RSF1: variants seen among roughly 807,000 people sequenced by gnomAD.
RSF1 encodes the protein remodeling and spacing factor 1, also known as HBV pX-associated protein 8.
In RSF1, 13 loss-of-function variants were observed where a neutral mutation model predicts 145.2. That is an observed-to-expected ratio of 0.09 (90% CI 0.06 to 0.14). The LOEUF is 0.14. Among genes scored for constraint, RSF1 ranks in the 10% least tolerant of loss-of-function variants. The pLI is 1.00. For missense variants in RSF1, 1,517 were observed against 1,718.2 expected, an observed-to-expected ratio of 0.88 and a Z score of 2.07; for synonymous variants, 577 against 592.6, an observed-to-expected ratio of 0.97 and a Z score of 0.38.
intron 1 of RSF1, among the ~76,000 whole-genome samples, chr11:77,812,907 C>A (rs1203364623): frequency 7.0e-6 from 1 of 142,808 alleles, no homozygotes; most frequent in Non-Finnish European, 1.5e-5. Context: ...AAAAAAAAAT[C>A]AGTCTGGTGT....
At chr11:77,834,441 G>GTTTTTTTTT in the RSF1 span, among the ~76,000 whole-genome samples, 17 of 105,516 alleles carry the variant, frequency 1.6e-4, no homozygotes, top group East Asian at 2.9e-4. Context: ...AGTTGATTTT[G>GTTTTTTTTT]TTTTTTTTTT....
In RSF1 at chr11:77,778,942, T is replaced by G. The variant is rs186823582; in HGVS notation, c.188-14253A>C. Among the ~76,000 whole-genome samples, 272 of 152,284 alleles carry G rather than the reference T, an allele frequency of 1.8e-3. 1 individual carries two copies. The highest frequency in any genetic ancestry group is 5.9e-3 in the African/African-American group (247 of 41,568). On this transcript the variant is annotated intron_variant, in intron 1 of 15. Transcript: ENST00000308488. ...ATCCACCCTTTTGTTTCAATTTATC[T>G]TTTCATTCATTCATTTTTTGGAGAC... is the stretch of plus-strand genomic sequence containing the variant.
the RSF1 span, among the ~76,000 whole-genome samples, chr11:77,839,421 A>G: frequency 4.0e-3 from 613 of 152,330 alleles, 2 homozygotes; most frequent in African/African-American, 0.014. Flanking sequence ...CAATTCCTCA[A>G]AGACCTAGAA....
In RSF1 at chr11:77,753,466, G is replaced by A. The variant is rs1209392926; in HGVS notation, c.280-6338C>T. ...TAATGAGACACCACTAGGCTAGGAG[G>A]ATAGAGGAGCCTGAACTGGCTAAGG... On this transcript the variant is annotated intron_variant, in intron 2 of 15. Coordinates refer to ENST00000308488, the MANE Select transcript of RSF1 (RefSeq NM_016578.4). 3.3e-5 allele frequency among the ~76,000 whole-genome samples: 5 copies of A among 152,218 alleles called. No homozygotes were observed. In the East Asian group the frequency reaches 7.7e-4, roughly 23 times the overall value.
upstream of RSF1, chr11:77,821,315 A>C: frequency 6.2e-6 from 1 of 160,548 alleles, no homozygotes; most frequent in Non-Finnish European, 1.4e-5. Context: ...TAAACAGAAA[A>C]AGGGAATAGG....
At chr11:77,855,469 G>A in the RSF1 span, 1,322 of 194,998 alleles carry the variant, frequency 6.8e-3, 8 homozygotes, top group Non-Finnish European at 0.011. Context: ...ACAGGTGCCT[G>A]CCACCACACC....
intron 1 of RSF1, among the ~76,000 whole-genome samples, chr11:77,802,116 G>A (rs1318740678): frequency 6.6e-6 from 1 of 152,144 alleles, no homozygotes; most frequent in East Asian, 1.9e-4. Flanking sequence ...TCCAGATCTT[G>A]TTTACCCAGC....
chr11:77,766,427 T>C (rs1358872567), intron 1 of RSF1, among the ~76,000 whole-genome samples: 3 of 152,192 alleles, frequency 2.0e-5, no homozygotes, highest in Admixed American at 1.3e-4. Flanking sequence ...GTGGGTCAAA[T>C]ACTAGTAAGA....
chr11:77,697,398 A>G (rs926414485), intron 7 of RSF1, among the ~76,000 whole-genome samples: 1 of 149,276 alleles, frequency 6.7e-6, no homozygotes, highest in African/African-American at 2.5e-5. Context: ...AGGTATAACA[A>G]GGCTACTTCC....
At chr11:77,863,212 G>T in the RSF1 span, among the ~76,000 whole-genome samples, 1 of 152,136 alleles carries the variant, frequency 6.6e-6, no homozygotes, top group African/African-American at 2.4e-5. Flanking sequence ...ACGAACCCGG[G>T]CACTTAGCCA....
At chr11:77,787,257 C>T (rs1948466210) in intron 1 of RSF1, among the ~76,000 whole-genome samples, 1 of 152,112 alleles carries the variant, frequency 6.6e-6, no homozygotes, top group Non-Finnish European at 1.5e-5. Flanking sequence ...CATCTTTTGG[C>T]TAACACTGGT....
the RSF1 span, among the ~76,000 whole-genome samples, chr11:77,860,975 C>T: frequency 6.6e-6 from 1 of 152,150 alleles, no homozygotes; most frequent in Non-Finnish European, 1.5e-5. Context: ...CATGGTTTTA[C>T]TAGGCCGTGG....
chr11:77,683,853 T>C (rs1333973314), intron 10 of RSF1, 34 bp from the exon 11 acceptor site: 1 of 1,494,016 alleles, frequency 6.7e-7, no homozygotes, highest in East Asian at 2.3e-5. Flanking sequence ...TAGAGGTTAT[T>C]CCTTATGCAG....
the RSF1 span, among the ~76,000 whole-genome samples, chr11:77,852,405 G>C: frequency 2.0e-5 from 3 of 151,840 alleles, no homozygotes; most frequent in African/African-American, 7.3e-5. Flanking sequence ...TTAACTTTCT[G>C]AATCATGTAA....
chr11:77,766,130 T>A (rs1007160845), intron 1 of RSF1, among the ~76,000 whole-genome samples: 2 of 150,468 alleles, frequency 1.3e-5, no homozygotes, highest in African/African-American at 4.9e-5. Flanking sequence ...ATTGGCAAAA[T>A]GCTGGATCAA....
the RSF1 span, among the ~76,000 whole-genome samples, chr11:77,830,659 C>T: frequency 6.6e-6 from 1 of 151,920 alleles, no homozygotes; most frequent in Non-Finnish European, 1.5e-5. Flanking sequence ...CCCATAGGTC[C>T]GTGTGGGTTA....
At chr11:77,746,421 T>C (rs997721397) in intron 3 of RSF1, among the ~76,000 whole-genome samples, 1 of 152,230 alleles carries the variant, frequency 6.6e-6, no homozygotes, top group African/African-American at 2.4e-5. Context: ...TCATAAAATC[T>C]TGAGGTCTTT....
rs186779334 is a variant in RSF1 at position 77,695,212 on chromosome 11, A to G, written c.2716-1601T>C. Among the ~76,000 whole-genome samples, 624 of 152,262 alleles carry G rather than the reference A, an allele frequency of 4.1e-3. 5 individuals carry two copies. The highest frequency in any genetic ancestry group is 0.01 in the South Asian group (49 of 4,830). ...AAAATCTCAATAGTAATAAATCAAT[A>G]AATACCTTGGGGGAGATGCACTGAA... On this transcript the variant is annotated intron_variant, in intron 7 of 15. Coordinates refer to ENST00000308488, the MANE Select transcript of RSF1 (RefSeq NM_016578.4).
In RSF1 at chr11:77,665,550, A is replaced by G. The variant is rs1190224555; in HGVS notation, c.*1367T>C. ...CATGTTAGGTATTTAGTTAGTTACA[A>G]ACCCTTTTTTCTTGAAACAAAGGGC... On this transcript the variant is annotated 3_prime_UTR_variant, in exon 16 of 16. Coordinates refer to ENST00000308488, the MANE Select transcript of RSF1 (RefSeq NM_016578.4). 1 of 152,234 alleles carries G rather than the reference A, an allele frequency of 6.6e-6. No individual in the cohort carries two copies. The highest frequency in any genetic ancestry group is 1.5e-5 in the Non-Finnish European group (1 of 68,048). The allele number at this position is 152,234 out of a possible 1,614,324, so 9.4% of individuals were successfully genotyped here. A position where few individuals can be genotyped will look rare whatever the true frequency, so the allele number is the denominator to read the frequency against.
Sources: gnomAD v4.1 joint callset for allele counts (sites outside exome capture counted in the v4.1 genomes callset) on GRCh38, gnomAD v4.1.1 for gene constraint, MANE v1.5 for transcripts, NCBI Gene and HGNC (gene_info 2026-07-23, HGNC 2026-07-21) for gene names.